Variants in PRIM2 observed in about 807,000 individuals in gnomAD.
PRIM2 encodes DNA primase large subunit.
PRIM2 carries 39 observed loss-of-function variants against 67.3 expected under a neutral mutation model. The observed-to-expected ratio is 0.58, with a 90% confidence interval of 0.45 to 0.76. The LOEUF is 0.76. Ranked by LOEUF, PRIM2 falls within the 30% of genes least tolerant of loss-of-function variation. The probability of loss-of-function intolerance (pLI) is 0.00; values close to 1 mark genes in which losing one functional copy is unlikely to be tolerated. For missense variants in PRIM2, 398 were observed against 598.7 expected, an observed-to-expected ratio of 0.66 and a Z score of 3.50; for synonymous variants, 143 against 198.7, an observed-to-expected ratio of 0.72 and a Z score of 2.36.
At chr6:57,556,604 C>A (rs1320679609) in intron 10 of PRIM2, among the ~76,000 whole-genome samples, 96 of 152,216 alleles carry the variant, frequency 6.3e-4, no homozygotes, top group Admixed American at 2.4e-3. Flanking sequence ...TGAAACTGGA[C>A]CCTTTCCTTA....
intron 5 of PRIM2, among the ~76,000 whole-genome samples, chr6:57,374,171 T>G (rs1215405867): frequency 6.7e-6 from 1 of 150,356 alleles, no homozygotes; most frequent in Non-Finnish European, 1.5e-5. Flanking sequence ...ACTTCCTTTG[T>G]TAGCTGTATT....
the PRIM2 span, among the ~76,000 whole-genome samples, chr6:57,261,437 G>A: frequency 6.6e-6 from 1 of 152,218 alleles, no homozygotes; most frequent in Non-Finnish European, 1.5e-5. Context: ...TCTCTTCAGG[G>A]CCATCCAATG....
intron 7 of PRIM2, among the ~76,000 whole-genome samples, chr6:57,437,095 G>A (rs1400275320): frequency 1.3e-5 from 2 of 152,196 alleles, no homozygotes; most frequent in African/African-American, 4.8e-5. Flanking sequence ...CATGGCAGAA[G>A]GCAAAACAGG....
At position 57,318,494 on chromosome 6, in the gene PRIM2, C is replaced by G; in HGVS notation, c.49C>G (p.Gln17Glu). 6.2e-7 allele frequency: 1 copy of G among 1,609,814 alleles called. No individual in the cohort carries two copies. Among genetic ancestry groups the G allele is most frequent in the Non-Finnish European group, 8.5e-7 (1 of 1,177,976 alleles). Residue 17 changes from glutamine (Q) to glutamate (E), a missense_variant, in exon 2 of 14, where the codon CAG becomes GAG. Physicochemically the swap from Gln to Glu is conservative, Grantham distance 29 (BLOSUM62 2). This residue lies in a region of PRIM2 where 96 missense variants were observed against 98.3 expected (regional missense o/e 0.98). Transcript: ENST00000615550. ...KWRKLRLAGDQRNASYPHCLQ... is the reference protein window; with the variant it reads ...KWRKLRLAGDERNASYPHCLQ... ...GAGGAAGCTGAGGTTGGCAGGTGACCAGAGGAATGCTTCCTACCCTCATTG... is the reference window on the plus strand; with the variant it reads ...GAGGAAGCTGAGGTTGGCAGGTGACGAGAGGAATGCTTCCTACCCTCATTG...
intron 8 of PRIM2, among the ~76,000 whole-genome samples, chr6:57,511,194 C>T (rs1290604438): frequency 1.3e-5 from 2 of 151,822 alleles, no homozygotes; most frequent in African/African-American, 2.4e-5. Context: ...TCTAGAATAT[C>T]GCTTAACAAT....
chr6:57,409,986 TTTTCCTTGTTGG>T (rs1325892094), intron 7 of PRIM2, among the ~76,000 whole-genome samples: 3 of 152,174 alleles, frequency 2.0e-5, no homozygotes, highest in Non-Finnish European at 4.4e-5. Context: ...GTTGATTTTT[TTTTCCTTGTTGG>T]TTTCCTTGTT....
In PRIM2 at chr6:57,538,551, AAAAGT is replaced by A. The variant is rs1581977270; in HGVS notation, c.1020+930_1020+934del. Among the ~76,000 whole-genome samples, 4 of 152,320 alleles carry A rather than the reference AAAAGT, an allele frequency of 2.6e-5. No individual in the cohort carries two copies. The East Asian group carries it at 7.7e-4, about 29-fold the overall frequency. On this transcript the variant is annotated intron_variant, in intron 10 of 13. Coordinates refer to ENST00000615550, the MANE Select transcript of PRIM2 (RefSeq NM_000947.5). ...TTTATTTCTTGATTTGCTGCCTCCT[AAAAGT>A]AAATTATGGAAGAAAGAATATTTAC...
chr6:57,410,349 A>G (rs1421992247), intron 7 of PRIM2, among the ~76,000 whole-genome samples: 1 of 144,480 alleles, frequency 6.9e-6, no homozygotes, highest in Admixed American at 6.9e-5. Flanking sequence ...AAAAAAAAAA[A>G]GAAAGAAAGA....
intron 8 of PRIM2, among the ~76,000 whole-genome samples, chr6:57,519,534 C>T (rs1554348665): frequency 1.3e-5 from 2 of 152,308 alleles, no homozygotes; most frequent in African/African-American, 2.4e-5. Context: ...CTGTTCCGCC[C>T]GGCTCACCAG....
chr6:57,418,185 A>T (rs1771334061), intron 7 of PRIM2, among the ~76,000 whole-genome samples: 1 of 152,120 alleles, frequency 6.6e-6, no homozygotes, highest in Admixed American at 6.5e-5. Context: ...TGATAGTAAG[A>T]GTAAATGGAG....
chr6:57,356,057 A>G (rs1374195576), intron 5 of PRIM2, among the ~76,000 whole-genome samples: 1 of 152,172 alleles, frequency 6.6e-6, no homozygotes, highest in Non-Finnish European at 1.5e-5. Context: ...GTATAGACAT[A>G]TGAATCCTGC....
intron 10 of PRIM2, among the ~76,000 whole-genome samples, chr6:57,561,157 C>T (rs1372865473): frequency 1.3e-5 from 2 of 152,174 alleles, no homozygotes; most frequent in Non-Finnish European, 2.9e-5. Context: ...TGCCGCTTCA[C>T]CTTGTACTTT....
At chr6:57,489,558 C>CAAAAAAA (rs1773838957) in intron 7 of PRIM2, among the ~76,000 whole-genome samples, 161 of 141,066 alleles carry the variant, frequency 1.1e-3, no homozygotes, top group African/African-American at 4.1e-3. Context: ...CCCCCGTCTC[C>CAAAAAAA]AGAAAAAAGA....
chr6:57,576,172 A>G (rs2127483215), intron 10 of PRIM2, among the ~76,000 whole-genome samples: 1 of 152,232 alleles, frequency 6.6e-6, no homozygotes, highest in East Asian at 1.9e-4. Context: ...GTTCATGATA[A>G]TATACTGTTG....
the PRIM2 span, among the ~76,000 whole-genome samples, chr6:57,254,406 C>T: frequency 2.6e-5 from 4 of 152,234 alleles, no homozygotes; most frequent in Admixed American, 6.5e-5. Context: ...CACACTTCCT[C>T]ACCACAACTT....
intron 7 of PRIM2, among the ~76,000 whole-genome samples, chr6:57,438,776 T>C (rs1371781216): frequency 6.6e-6 from 1 of 152,060 alleles, no homozygotes; most frequent in Non-Finnish European, 1.5e-5. Context: ...ATTTTTTTTT[T>C]CTTTTTTTTT....
chr6:57,500,747 A>C (rs1774114526), intron 7 of PRIM2, among the ~76,000 whole-genome samples: 2 of 152,224 alleles, frequency 1.3e-5, no homozygotes, highest in African/African-American at 4.8e-5. Context: ...TGAGTTAGGT[A>C]AGGACAATAA....
At chr6:57,507,620 C>G (rs1774277576) in intron 8 of PRIM2, among the ~76,000 whole-genome samples, 166 bp downstream of exon 8, 1 of 152,016 alleles carries the variant, frequency 6.6e-6, no homozygotes, top group South Asian at 2.1e-4. Flanking sequence ...TACTTGTTAC[C>G]CTTACTTTAT....
rs1205822556 is a variant in PRIM2, at chr6:57,601,122, T to C, written c.1050T>C (p.Arg350=). 1 of 1,612,164 alleles carries C rather than the reference T, an allele frequency of 6.2e-7. No homozygotes were observed. The highest frequency in any genetic ancestry group is 1.3e-5 in the African/African-American group (1 of 74,900). ...KFDKGYSYNI[R]HSFGKEGKRT... ...ATAAAGGTTACTCTTACAACATCCGTCACAGCTTTGGAAAGGAAGGCAAGA... is the reference window on the plus strand; with the variant it reads ...ATAAAGGTTACTCTTACAACATCCGCCACAGCTTTGGAAAGGAAGGCAAGA... The change falls in exon 11 of 14, where the codon CGT becomes CGC. Residue 350 remains arginine (R), a synonymous_variant. Coordinates refer to ENST00000615550, the MANE Select transcript of PRIM2 (RefSeq NM_000947.5).
Sources: gnomAD v4.1 joint callset for allele counts (sites outside exome capture counted in the v4.1 genomes callset) on GRCh38, gnomAD v4.1.1 for gene constraint, gnomAD v4.1.1 regional missense constraint, MANE v1.5 for transcripts, NCBI Gene and HGNC (gene_info 2026-07-23, HGNC 2026-07-21) for gene names.